Variants in COL26A1 observed in about 807,000 individuals in gnomAD.
COL26A1 encodes collagen type XXVI alpha 1 chain.
A neutral mutation model predicts 59.3 loss-of-function variants in COL26A1; 41 were observed. The ratio of observed to expected loss-of-function variants is 0.69; its 90% CI spans 0.54 to 0.90. The LOEUF is 0.90. COL26A1 is among the 40% of genes least tolerant of loss of function. The pLI is 0.00. For synonymous variants in COL26A1, 266 were observed against 256.0 expected (o/e 1.04, Z -0.37); for missense variants, 612 against 602.3 (o/e 1.02, Z -0.17).
chr7:101,459,498 T>C (rs4729712), intron 3 of COL26A1, among the ~76,000 whole-genome samples: 64,227 of 143,574 alleles, frequency 0.45, 15,204 homozygotes, highest in African/African-American at 0.6. Flanking sequence ...TTAGTAGAGA[T>C]GGGATTTCAT....
intron 3 of COL26A1, among the ~76,000 whole-genome samples, chr7:101,532,670 C>A (rs1478802160): frequency 6.6e-6 from 1 of 152,280 alleles, no homozygotes; most frequent in East Asian, 1.9e-4. Context: ...AGCCCAACTC[C>A]TTCCCCAGAC....
At chr7:101,387,555 A>T (rs141703299) in intron 1 of COL26A1, among the ~76,000 whole-genome samples, 75 of 147,456 alleles carry the variant, frequency 5.1e-4, no homozygotes, top group African/African-American at 1.7e-3. Flanking sequence ...TCTTCTTTTT[A>T]TTTTTATTTT....
chr7:101,509,990 A>AATACT (rs1794888710), intron 3 of COL26A1, among the ~76,000 whole-genome samples: 1 of 146,992 alleles, frequency 6.8e-6, no homozygotes, highest in African/African-American at 2.6e-5. Flanking sequence ...AGCCTCCCAA[A>AATACT]GTACTGGGAT....
chr7:101,466,837 T>TGTGTGTGAGAGA lies in COL26A1; in HGVS notation c.385+19051_385+19052insTGTGTGAGAGAG, dbSNP rs764059657. ...GTGTGTGTGTGTGTGTGTGTGTGTG[T>TGTGTGTGAGAGA]GAGAGAGAGAGATTCAGTCTCTGCC... is the stretch of plus-strand genomic sequence containing the variant. On this transcript the variant is annotated intron_variant, in intron 3 of 12. Transcript: ENST00000313669. Among the ~76,000 whole-genome samples the TGTGTGTGAGAGA allele has an allele frequency of 5.9e-3, 726 of 122,680 alleles. 1 individual carries two copies. The highest frequency in any genetic ancestry group is 0.021 in the Middle Eastern group (5 of 234). 80.5% of individuals were successfully genotyped at this position (122,680 alleles called of 152,430 possible).
At position 101,447,773 on chromosome 7, in the gene COL26A1, G is replaced by A. The variant is rs745815790; in HGVS notation, c.371G>A (p.Ser124Asn). The change falls in exon 3 of 13, where the codon AGC becomes AAC. Residue 124 changes from serine (S) to asparagine (N), a missense_variant. By Grantham distance (46) the Ser-to-Asn change is conservative (BLOSUM62 1). Coordinates refer to ENST00000313669, the MANE Select transcript of COL26A1 (RefSeq NM_001278563.3). ...EWRCCPGFTG[S>N]NCDEECMNCT... ...AGATGCTGCCCTGGCTTCACCGGGA[G>A]CAACTGTGATGAGGGTAAGTTGGCA... is the stretch of plus-strand genomic sequence containing the variant. 5.0e-6 allele frequency: 8 copies of A among 1,600,586 alleles called. No individual in the cohort carries two copies. Among genetic ancestry groups the A allele is most frequent in the East Asian group, 2.3e-5 (1 of 44,360 alleles).
chr7:101,397,954 T>G (rs773360936), intron 1 of COL26A1, among the ~76,000 whole-genome samples: 19 of 152,202 alleles, frequency 1.2e-4, no homozygotes, highest in Non-Finnish European at 2.1e-4. Context: ...GGCTCTGGTG[T>G]GCCCAGGTAG....
At chr7:101,503,206 T>C (rs539120954) in intron 3 of COL26A1, among the ~76,000 whole-genome samples, 2 of 152,266 alleles carry the variant, frequency 1.3e-5, no homozygotes, top group South Asian at 4.1e-4. Context: ...CTCGCCTCTG[T>C]TCTCTAACAA....
At chr7:101,551,230 T>TGGGGGGGGGGGGGTTGGGG in intron 10 of COL26A1, 87 bp downstream of exon 10, 4 of 113,772 alleles carry the variant, frequency 3.5e-5, no homozygotes, top group East Asian at 1.3e-4. Context: ...CGGGGGTTGG[T>TGGGGGGGGGGGGGTTGGGG]GGGGGGGTTC....
chr7:101,471,099 G>A (rs1584437062), intron 3 of COL26A1, among the ~76,000 whole-genome samples: 1 of 152,264 alleles, frequency 6.6e-6, no homozygotes, highest in South Asian at 2.1e-4. Flanking sequence ...GCTGAGGCTG[G>A]ATGCTACTCT....
At chr7:101,461,996 CTTTTTTTTTTT>C (rs531100830) in intron 3 of COL26A1, among the ~76,000 whole-genome samples, 1 of 117,922 alleles carries the variant, frequency 8.5e-6, no homozygotes, top group Non-Finnish European at 1.7e-5. Context: ...CCACGGAGCA[CTTTTTTTTTTT>C]TTTTTTTTTT....
intron 1 of COL26A1, among the ~76,000 whole-genome samples, chr7:101,387,736 T>TTATA (rs369463267): frequency 9.4e-6 from 1 of 106,938 alleles, no homozygotes; most frequent in African/African-American, 3.8e-5. Context: ...TTTAATATAA[T>TTATA]TATATATATA....
At chr7:101,512,357 G>A (rs1240779977) in intron 3 of COL26A1, among the ~76,000 whole-genome samples, 2 of 152,134 alleles carry the variant, frequency 1.3e-5, no homozygotes, top group Non-Finnish European at 2.9e-5. Context: ...GGTGGCTCAC[G>A]CCTGTAATCC....
intron 1 of COL26A1, among the ~76,000 whole-genome samples, chr7:101,392,390 A>C (rs1046969662): frequency 7.1e-6 from 1 of 140,864 alleles, no homozygotes; most frequent in Admixed American, 8.0e-5. Flanking sequence ...AGTATCCAAC[A>C]ACCAGGCTTT....
intron 2 of COL26A1, among the ~76,000 whole-genome samples, chr7:101,444,259 A>G (rs1793131237): frequency 6.6e-6 from 1 of 151,962 alleles, no homozygotes; most frequent in Non-Finnish European, 1.5e-5. Flanking sequence ...ACCGCAATAT[A>G]GCACAAAGTG....
chr7:101,533,275 C>T (rs1396816146), intron 4 of COL26A1, 132 bp downstream of exon 4: 16 of 700,454 alleles, frequency 2.3e-5, no homozygotes, highest in South Asian at 5.1e-5. Context: ...CTTGGACAGC[C>T]GGTCCCAGGT....
chr7:101,419,860 G>C lies in COL26A1; in HGVS notation c.159-117G>C, dbSNP rs1792468924. 4.7e-6 allele frequency: 5 copies of C among 1,054,708 alleles called. No individual in the cohort carries two copies. In the African/African-American group the frequency reaches 6.3e-5, roughly 13 times the overall value. 65.3% of individuals were successfully genotyped at this position (1,054,708 alleles called of 1,614,324 possible). On this transcript the variant is annotated intron_variant, in intron 1 of 12. Coordinates refer to ENST00000313669, the MANE Select transcript of COL26A1 (RefSeq NM_001278563.3). ...GTCTCAGTGGGCCCCCCATCCAAGAGAGCGAGCCTCCACCCCAGGTTTGCG... is the reference window on the plus strand; with the variant it reads ...GTCTCAGTGGGCCCCCCATCCAAGACAGCGAGCCTCCACCCCAGGTTTGCG...
At chr7:101,364,637 A>G (rs1032973705) in intron 1 of COL26A1, among the ~76,000 whole-genome samples, 3 of 151,088 alleles carry the variant, frequency 2.0e-5, no homozygotes, top group African/African-American at 7.3e-5. Context: ...TGGTGCGATC[A>G]TAGCTCACTG....
chr7:101,376,722 G>C (rs1011546469), intron 1 of COL26A1, among the ~76,000 whole-genome samples: 3 of 152,180 alleles, frequency 2.0e-5, no homozygotes, highest in African/African-American at 7.2e-5. Flanking sequence ...TGCACTCCCA[G>C]CTGAACCTCA....
chr7:101,516,287 GAGAA>G (rs1167558500), intron 3 of COL26A1, among the ~76,000 whole-genome samples: 2 of 151,894 alleles, frequency 1.3e-5, no homozygotes, highest in African/African-American at 2.4e-5. Context: ...TTTTTAGAGA[GAGAA>G]AGAGAGTTTT....
Sources: allele counts gnomAD v4.1 joint callset (sites outside exome capture counted in the v4.1 genomes callset), GRCh38; gene constraint gnomAD v4.1.1; transcripts MANE v1.5; gene names NCBI Gene and HGNC (gene_info 2026-07-23, HGNC 2026-07-21).